Variants in RRAGD observed in about 807,000 individuals in gnomAD.
RRAGD encodes ras-related GTP-binding protein D.
RRAGD carries 12 observed loss-of-function variants against 35.5 expected under a neutral mutation model. The ratio of observed to expected loss-of-function variants is 0.34; its 90% CI spans 0.22 to 0.55. The LOEUF (loss-of-function observed/expected upper bound fraction) is 0.55. RRAGD is among the 20% of genes least tolerant of loss of function. The pLI is 0.91. For missense variants in RRAGD, 324 were observed against 490.1 expected (o/e 0.66, Z 3.20); for synonymous variants, 155 against 178.9 (o/e 0.87, Z 1.07).
chr6:89,377,625 G>A (rs62415404), intron 5 of RRAGD, 46 bp downstream of exon 5: 149,963 of 1,479,238 alleles, frequency 0.1, 8,501 homozygotes, highest in Non-Finnish European at 0.11. Context: ...GAAAGGTTAT[G>A]AAGGAAGGAT....
chr6:89,390,275 A>T (rs1298634029), intron 1 of RRAGD, among the ~76,000 whole-genome samples: 1 of 152,260 alleles, frequency 6.6e-6, no homozygotes, highest in Non-Finnish European at 1.5e-5. Flanking sequence ...CATACATGTG[A>T]TAAGAGTCTA....
intron 1 of RRAGD, among the ~76,000 whole-genome samples, chr6:89,395,097 A>G (rs1023055566): frequency 2.0e-5 from 3 of 151,960 alleles, no homozygotes; most frequent in Non-Finnish European, 4.4e-5. Context: ...TCTCTACAAA[A>G]AAAATTTAAA....
At chr6:89,403,425 A>G (rs1769515097) in intron 1 of RRAGD, among the ~76,000 whole-genome samples, 1 of 151,878 alleles carries the variant, frequency 6.6e-6, no homozygotes, top group African/African-American at 2.4e-5. Context: ...AGCCTGGGCG[A>G]CAGAGCAAGA....
At chr6:89,377,576 TGTTAAA>T (rs1275634501) in intron 5 of RRAGD, 89 bp downstream of exon 5, 26 of 1,141,282 alleles carry the variant, frequency 2.3e-5, no homozygotes, top group Middle Eastern at 2.1e-4. Context: ...AAGACAAAAA[TGTTAAA>T]GTTAAGTAAG....
chr6:89,388,151 T>C (rs141425598), intron 1 of RRAGD, among the ~76,000 whole-genome samples: 4 of 152,280 alleles, frequency 2.6e-5, no homozygotes, highest in African/African-American at 9.6e-5. Flanking sequence ...GATGCAAAGT[T>C]TGTGAAAGGC....
chr6:89,368,277 G>A, intron 6 of RRAGD, 70 bp from the exon 7 acceptor site: 4 of 1,472,072 alleles, frequency 2.7e-6, no homozygotes, highest in Non-Finnish European at 3.7e-6. Flanking sequence ...TGGGACCCAT[G>A]GCCAGGACAA....
chr6:89,387,404 T>C lies in RRAGD; in HGVS notation c.335A>G (p.Asn112Ser), dbSNP rs763964457. The C allele has an allele frequency of 1.4e-5, 23 of 1,614,008 alleles. No individual in the cohort carries two copies. The highest frequency in any genetic ancestry group is 4.4e-5 in the South Asian group (4 of 91,088). Residue 112 changes from asparagine (N) to serine (S), a missense_variant, in exon 2 of 7, where the codon AAT becomes AGT. By Grantham distance (46) the Asn-to-Ser change is conservative. Transcript: ENST00000369415. ...TCCTGGGAAGTCCCAAATCTGAAAA[T>C]TGACAAAGGAGCTGTTGGAAACATC... Reference protein sequence around the residue: ...REDVSNSSFVNFQIWDFPGQI... With the variant: ...REDVSNSSFVSFQIWDFPGQI...
chr6:89,371,412 C>T (rs1198039918), intron 6 of RRAGD, among the ~76,000 whole-genome samples: 1 of 151,902 alleles, frequency 6.6e-6, no homozygotes, highest in African/African-American at 2.4e-5. Flanking sequence ...TCACTTGGGC[C>T]CGGGTGGTCA....
intron 1 of RRAGD, among the ~76,000 whole-genome samples, chr6:89,403,231 G>A (rs564723562): frequency 8.5e-5 from 13 of 152,306 alleles, no homozygotes; most frequent in African/African-American, 3.1e-4. Flanking sequence ...CACGAGGTCA[G>A]GAGATCAATC....
intron 6 of RRAGD, among the ~76,000 whole-genome samples, chr6:89,370,158 C>G (rs1302606370): frequency 1.3e-5 from 2 of 152,202 alleles, no homozygotes; most frequent in African/African-American, 4.8e-5. Context: ...GTAAAATCAT[C>G]TGTGACATGA....
chr6:89,399,411 C>T (rs938705092), intron 1 of RRAGD, among the ~76,000 whole-genome samples: 3 of 152,198 alleles, frequency 2.0e-5, no homozygotes, highest in Non-Finnish European at 2.9e-5. Flanking sequence ...AGAACACCAT[C>T]AACTTTGCAG....
In RRAGD at chr6:89,411,814, G is replaced by C. The variant is rs1316847474; in HGVS notation, c.148+32C>G. The C allele has an allele frequency of 6.5e-7, 1 of 1,533,732 alleles. No individual in the cohort carries two copies. Among genetic ancestry groups the C allele is most frequent in the Non-Finnish European group, 8.7e-7 (1 of 1,144,858 alleles). On this transcript the variant is annotated intron_variant, in intron 1 of 6. Coordinates refer to ENST00000369415, the MANE Select transcript of RRAGD (RefSeq NM_021244.5). This position sits in a 1 kb window ranked among gnomAD's most constrained non-coding sequence, Gnocchi z 5.6. The stretch of plus-strand genomic sequence containing the variant: ...AAGGCGCCAAGGGGAGGAAAGGGGC[G>C]CGAGCCGAGGACGCGGGGGCCGGGC...
At chr6:89,410,500 A>G (rs1252517758) in intron 1 of RRAGD, among the ~76,000 whole-genome samples, 1 of 152,214 alleles carries the variant, frequency 6.6e-6, no homozygotes. Flanking sequence ...TATCTACAAA[A>G]ATGTGGCCTG....
intron 5 of RRAGD, among the ~76,000 whole-genome samples, chr6:89,373,388 T>C (rs1582503814): frequency 6.6e-6 from 1 of 152,040 alleles, no homozygotes. Flanking sequence ...GGGAGACAGG[T>C]AGATCACGAG....
intron 5 of RRAGD, among the ~76,000 whole-genome samples, chr6:89,373,486 C>T (rs370696266): frequency 7.9e-5 from 12 of 152,038 alleles, no homozygotes; most frequent in South Asian, 4.2e-4. Context: ...CACGTGGTGG[C>T]GCACACCTGT....
intron 1 of RRAGD, among the ~76,000 whole-genome samples, chr6:89,401,876 GTCTC>G (rs1303813325): frequency 6.6e-6 from 1 of 151,752 alleles, no homozygotes; most frequent in Admixed American, 6.6e-5. Context: ...TTTTTTGTTT[GTCTC>G]TCTCACATAT....
intron 1 of RRAGD, among the ~76,000 whole-genome samples, chr6:89,390,472 A>G (rs570247937): frequency 6.6e-6 from 1 of 152,354 alleles, no homozygotes; most frequent in African/African-American, 2.4e-5. Context: ...ATCCCACTTC[A>G]CACCTACTAG....
intron 1 of RRAGD, among the ~76,000 whole-genome samples, chr6:89,406,350 C>T (rs187266636): frequency 1.6e-3 from 247 of 152,246 alleles, no homozygotes; most frequent in African/African-American, 5.8e-3. Context: ...GCAAGACCAC[C>T]GTGGCCTGCC....
intron 1 of RRAGD, among the ~76,000 whole-genome samples, chr6:89,402,427 G>A (rs1306516274): frequency 1.3e-5 from 2 of 152,136 alleles, no homozygotes; most frequent in Non-Finnish European, 2.9e-5. Flanking sequence ...CTCCCTTGCG[G>A]GTCCCAGTAT....
Sources: allele counts gnomAD v4.1 joint callset (sites outside exome capture counted in the v4.1 genomes callset), GRCh38; gene constraint gnomAD v4.1.1; non-coding constraint Gnocchi (gnomAD v3.1); transcripts MANE v1.5; gene names NCBI Gene and HGNC (gene_info 2026-07-23, HGNC 2026-07-21).